Variants in UNC79 observed in about 807,000 individuals in gnomAD.
The protein encoded by UNC79 is protein unc-79 homolog.
In UNC79, 37 loss-of-function variants were observed where a neutral mutation model predicts 283.1. The observed-to-expected ratio is 0.13, with a 90% CI of 0.10 to 0.17. UNC79 has a LOEUF of 0.17. Ranked by LOEUF, UNC79 falls within the 10% of genes least tolerant of loss-of-function variation. The pLI is 1.00. For synonymous variants in UNC79, 1,107 were observed against 1,200.2 expected (o/e 0.92, Z 1.61); for missense variants, 2,272 against 3,211.1 (o/e 0.71, Z 7.07).
intron 14 of UNC79, among the ~76,000 whole-genome samples, chr14:93,570,421 A>G (rs1444946827): frequency 6.6e-6 from 1 of 152,150 alleles, no homozygotes; most frequent in Admixed American, 6.5e-5. Flanking sequence ...AAATCTTTTA[A>G]CAGAGCCTTT....
At chr14:93,382,297 G>A (rs962737875) in intron 1 of UNC79, among the ~76,000 whole-genome samples, 8 of 152,076 alleles carry the variant, frequency 5.3e-5, no homozygotes, top group African/African-American at 7.2e-5. Context: ...GAGAAGAAAA[G>A]AACACTATTT....
At chr14:93,390,980 T>C (rs1448498064) in intron 1 of UNC79, among the ~76,000 whole-genome samples, 1 of 152,246 alleles carries the variant, frequency 6.6e-6, no homozygotes, top group Non-Finnish European at 1.5e-5. Flanking sequence ...TAAACTTTAT[T>C]TGAAAATTAA....
chr14:93,659,587 G>C (rs922236659), intron 39 of UNC79, among the ~76,000 whole-genome samples: 1 of 151,974 alleles, frequency 6.6e-6, no homozygotes, highest in Non-Finnish European at 1.5e-5. Flanking sequence ...TCTCATTTCT[G>C]TCAGGATGAT....
intron 32 of UNC79, among the ~76,000 whole-genome samples, chr14:93,638,865 T>C (rs1040444982): frequency 6.6e-6 from 1 of 152,228 alleles, no homozygotes; most frequent in East Asian, 1.9e-4. Context: ...TACATTACTT[T>C]TTGTTCCTAC....
chr14:93,472,697 G>C (rs961345729), intron 2 of UNC79, among the ~76,000 whole-genome samples: 6 of 152,058 alleles, frequency 3.9e-5, no homozygotes, highest in African/African-American at 1.4e-4. Context: ...AAACTTGATA[G>C]AGCAAGCATG....
chr14:93,601,931 C>T (rs190074382), intron 25 of UNC79, among the ~76,000 whole-genome samples: 42 of 152,102 alleles, frequency 2.8e-4, no homozygotes, highest in African/African-American at 1.0e-3. Flanking sequence ...ATGTCCTTTG[C>T]CTACTTTTTG....
intron 41 of UNC79, among the ~76,000 whole-genome samples, chr14:93,677,739 T>C (rs2073469177): frequency 6.6e-6 from 1 of 152,098 alleles, no homozygotes. Context: ...AACCTCCACC[T>C]CCTGGATTCA....
intron 1 of UNC79, among the ~76,000 whole-genome samples, chr14:93,459,722 C>G (rs375857215): frequency 1.1e-4 from 13 of 116,954 alleles, no homozygotes; most frequent in South Asian, 3.1e-4. Context: ...CCAAGCTGGA[C>G]TGCAGTGGCG....
At chr14:93,594,449 T>C (rs1396071576) in intron 23 of UNC79, among the ~76,000 whole-genome samples, 2 of 152,168 alleles carry the variant, frequency 1.3e-5, no homozygotes, top group East Asian at 1.9e-4. Context: ...TTTGTATTTT[T>C]AGTAGAGACA....
In UNC79 at chr14:93,660,563, A is replaced by ATGTGTGTG. The variant is rs1555394962; in HGVS notation, c.6525+1312_6525+1319dup. ...TATATATATATATATATATATATATATGTGTGTGTGTGTGTGTTCATTTTA... is the reference window on the plus strand; with the variant it reads ...TATATATATATATATATATATATATATGTGTGTGTGTGTGTGTGTGTGTGTTCATTTTA... On this transcript the variant is annotated intron_variant, in intron 39 of 48. Transcript: ENST00000555664. Among the ~76,000 whole-genome samples the ATGTGTGTG allele has an allele frequency of 5.3e-3, 343 of 64,490 alleles. 7 individuals carry two copies. Among genetic ancestry groups the ATGTGTGTG allele is most frequent in the Non-Finnish European group, 7.3e-3 (251 of 34,166 alleles). The allele number at this position is 64,490 out of a possible 152,430, so 42.3% of individuals were successfully genotyped here.
At chr14:93,649,346 A>G (rs2069990624) in intron 35 of UNC79, among the ~76,000 whole-genome samples, 1 of 152,200 alleles carries the variant, frequency 6.6e-6, no homozygotes, top group East Asian at 1.9e-4. Flanking sequence ...ACATACTGCA[A>G]AGTTGAAAGA....
intron 5 of UNC79, among the ~76,000 whole-genome samples, chr14:93,488,498 G>GTT (rs144114616): frequency 0.4 from 59,822 of 150,318 alleles, 12,656 homozygotes; most frequent in Admixed American, 0.53. Flanking sequence ...GTGACACTGT[G>GTT]GTTTTTTTTT....
chr14:93,452,688 G>A (rs931155726), intron 1 of UNC79, among the ~76,000 whole-genome samples: 2 of 151,968 alleles, frequency 1.3e-5, no homozygotes, highest in African/African-American at 2.4e-5. Context: ...GCACCTGGCC[G>A]AATTTTTTAA....
At chr14:93,586,159 G>A (rs1256824334) in intron 20 of UNC79, among the ~76,000 whole-genome samples, 1 of 152,164 alleles carries the variant, frequency 6.6e-6, no homozygotes, top group Non-Finnish European at 1.5e-5. Context: ...GGGATTACAG[G>A]CATGAGCCAC....
intron 23 of UNC79, among the ~76,000 whole-genome samples, chr14:93,595,914 G>T (rs927948933): frequency 1.3e-5 from 2 of 151,950 alleles, no homozygotes; most frequent in African/African-American, 2.4e-5. Context: ...TTTCTTAGTG[G>T]TATACATATG....
At chr14:93,619,486 T>A (rs1285899544) in intron 29 of UNC79, among the ~76,000 whole-genome samples, 1 of 152,220 alleles carries the variant, frequency 6.6e-6, no homozygotes, top group African/African-American at 2.4e-5. Context: ...TTTCAAAGGA[T>A]ATTTTTCCAA....
intron 1 of UNC79, among the ~76,000 whole-genome samples, chr14:93,465,508 A>G (rs191511673): frequency 6.0e-4 from 92 of 152,308 alleles, no homozygotes; most frequent in African/African-American, 2.1e-3. Context: ...CAAGATCTCA[A>G]AGAAAAAAGT....
intron 1 of UNC79, among the ~76,000 whole-genome samples, chr14:93,443,883 T>C (rs2056387326): frequency 6.6e-6 from 1 of 152,244 alleles, no homozygotes; most frequent in Admixed American, 6.5e-5. Context: ...TGGGTTGTTT[T>C]CAGTTTTGGG....
intron 1 of UNC79, among the ~76,000 whole-genome samples, chr14:93,402,208 C>T (rs563734739): frequency 2.2e-5 from 3 of 137,156 alleles, no homozygotes; most frequent in South Asian, 2.3e-4. Flanking sequence ...ACCCAAGATG[C>T]GGAGATTGCA....
Sources: allele counts gnomAD v4.1 joint callset (sites outside exome capture counted in the v4.1 genomes callset), GRCh38; gene constraint gnomAD v4.1.1; transcripts MANE v1.5; gene names NCBI Gene and HGNC (gene_info 2026-07-23, HGNC 2026-07-21).